The following BEST4 variants were observed in gnomAD, a reference collection of about 807,000 sequenced individuals.
The protein encoded by BEST4 is bestrophin 4, also known as bestrophin-4.
BEST4 carries 36 observed loss-of-function variants against 47.1 expected under a neutral mutation model. The ratio of observed to expected loss-of-function variants is 0.76; its 90% CI spans 0.59 to 1.01. The LOEUF (loss-of-function observed/expected upper bound fraction) is 1.01. BEST4 is among the 50% of genes least tolerant of loss of function. The probability of loss-of-function intolerance (pLI) is 0.00; values close to 1 mark genes in which losing one functional copy is unlikely to be tolerated. For missense variants in BEST4, 550 were observed against 648.6 expected, an observed-to-expected ratio of 0.85 and a Z score of 1.65; for synonymous variants, 250 against 277.8, an observed-to-expected ratio of 0.90 and a Z score of 1.00.
At chr1:44,785,433 T>C in intron 5 of BEST4, 128 bp from the exon 6 acceptor site, 1 of 1,226,882 alleles carries the variant, frequency 8.2e-7, no homozygotes, top group Non-Finnish European at 1.1e-6. Context: ...GCAGTACCAG[T>C]GGGGACAGGG....
upstream of BEST4, among the ~76,000 whole-genome samples, chr1:44,792,447 T>G (rs1405527929): frequency 6.8e-6 from 1 of 145,988 alleles, no homozygotes; most frequent in African/African-American, 2.5e-5. Flanking sequence ...AAAAAAAAAT[T>G]CCCCATGGGA....
downstream of BEST4, among the ~76,000 whole-genome samples, chr1:44,782,652 A>AT (rs1483032332): frequency 7.4e-6 from 1 of 134,908 alleles, no homozygotes. Context: ...AAATAAATAA[A>AT]TAAATAAATA....
Position 44,786,404 on chromosome 1 carries a change from G to C in BEST4, c.481+59C>G, listed in dbSNP as rs1316629478. The C allele has an allele frequency of 4.1e-6, 6 of 1,450,134 alleles. No individual in the cohort carries two copies. Among genetic ancestry groups the C allele is most frequent in the Non-Finnish European group, 5.5e-6 (6 of 1,095,000 alleles). The allele number at this position is 1,450,134 out of a possible 1,614,324, so 89.8% of individuals were successfully genotyped here. On this transcript the variant is annotated intron_variant, in intron 3 of 8. Coordinates refer to ENST00000372207, the MANE Select transcript of BEST4 (RefSeq NM_153274.3). This position sits in a 1 kb window ranked among gnomAD's most constrained non-coding sequence, Gnocchi z 4.9. ...GGCCCCTGCTCCCAGGACTCTCCCAGGCGCCACCTGCATCCGGCTGTGGGC... is the reference window on the plus strand; with the variant it reads ...GGCCCCTGCTCCCAGGACTCTCCCACGCGCCACCTGCATCCGGCTGTGGGC...
chr1:44,789,831 C>T (rs1651365654), upstream of BEST4, among the ~76,000 whole-genome samples: 2 of 152,156 alleles, frequency 1.3e-5, no homozygotes, highest in African/African-American at 4.8e-5. Flanking sequence ...GGTGGTCCTG[C>T]CTCTGTCTTG....
chr1:44,790,193 C>A (rs541123697), upstream of BEST4, among the ~76,000 whole-genome samples: 1 of 152,124 alleles, frequency 6.6e-6, no homozygotes, highest in African/African-American at 2.4e-5. Flanking sequence ...GCCTACCAAG[C>A]CTTCCAAGCC....
In BEST4 at chr1:44,786,565, T is replaced by TGCGGCGCAGCAG; in HGVS notation, c.367_378dup (p.Leu123_Arg126dup). On this transcript the variant is annotated inframe_insertion, in exon 3 of 9. Transcript: ENST00000372207. The surrounding 1 kb of genome is among the most constrained non-coding windows in gnomAD (Gnocchi z 4.9). Reference sequence around the variant, plus strand: ...GCCAGGTTCGCGTAGCGGATGAGGGTGCGGCGCAGCAGGCGGCCCCGCTGG... The same window carrying TGCGGCGCAGCAG: ...GCCAGGTTCGCGTAGCGGATGAGGGTGCGGCGCAGCAGGCGGCGCAGCAGGCGGCCCCGCTGG... The TGCGGCGCAGCAG allele has an allele frequency of 6.5e-7, 1 of 1,550,178 alleles. No individual in the cohort carries two copies. The highest frequency in any genetic ancestry group is 8.7e-7 in the Non-Finnish European group (1 of 1,147,176).
chr1:44,792,418 C>T (rs1384836580), upstream of BEST4, among the ~76,000 whole-genome samples: 1 of 134,518 alleles, frequency 7.4e-6, no homozygotes, highest in Non-Finnish European at 1.6e-5. Context: ...CAGAGCAAGA[C>T]TCCATCTCAA....
In BEST4 at chr1:44,784,010, T is replaced by G. The variant is rs1269287102; in HGVS notation, c.*200A>C. On this transcript the variant is annotated 3_prime_UTR_variant, in exon 9 of 9. Coordinates refer to ENST00000372207, the MANE Select transcript of BEST4 (RefSeq NM_153274.3). The surrounding 1 kb of genome is among the most constrained non-coding windows in gnomAD (Gnocchi z 6.2). ...CTTCACGTCCCCCAAGCAACCGACC[T>G]TCTCTCCCACCAAAGTGGACACATT... The G allele has an allele frequency of 2.0e-6, 1 of 496,382 alleles. No homozygotes were observed. The highest frequency in any genetic ancestry group is 3.3e-6 in the Non-Finnish European group (1 of 303,978). 30.7% of individuals were successfully genotyped at this position (496,382 alleles called of 1,614,324 possible).
At chr1:44,783,020 T>C (rs555256856), downstream of BEST4, among the ~76,000 whole-genome samples, 3 of 151,954 alleles carry the variant, frequency 2.0e-5, no homozygotes, top group East Asian at 5.8e-4. Context: ...AGTAGAGTGA[T>C]CTTGGCTCAC....
rs906259275 is a variant in BEST4, at chr1:44,786,467, G to T, written c.477C>A (p.Asp159Glu). The T allele has an allele frequency of 1.3e-6, 2 of 1,518,684 alleles. No homozygotes were observed. The highest frequency in any genetic ancestry group is 8.8e-7 in the Non-Finnish European group (1 of 1,130,872). The allele number at this position is 1,518,684 out of a possible 1,614,324, so 94.1% of individuals were successfully genotyped here. A position where few individuals can be genotyped will look rare whatever the true frequency, so the allele number is the denominator to read the frequency against. ...KRFPTMEHVV[D>E]AGFMSQEERK... ...GGCTCCCGGCGGGCGGCGCACCTGC[G>T]TCCACCACGTGCTCCATGGTGGGGA... Residue 159 changes from aspartate to glutamate, a missense_variant, in exon 3 of 9, where the codon GAC becomes GAA. Asp to Glu is a conservative substitution (Grantham distance 45, BLOSUM62 2). This residue lies in a region of BEST4 where 291 missense variants were observed against 342.4 expected (regional missense o/e 0.85). Transcript: ENST00000372207. This position sits in a 1 kb window ranked among gnomAD's most constrained non-coding sequence, Gnocchi z 4.9.
At position 44,786,772 on chromosome 1, in the gene BEST4, A is replaced by C. The variant is rs1573599396; in HGVS notation, c.248-76T>G. On this transcript the variant is annotated intron_variant, in intron 2 of 8. Transcript: ENST00000372207. The surrounding 1 kb of genome is among the most constrained non-coding windows in gnomAD (Gnocchi z 4.9). Reference sequence around the variant, plus strand: ...GGGGTCGGAGCGCCTCACCTCCCCCAGCAAAGGGCCTGGTCCAGGCCAGTT... The same window carrying C: ...GGGGTCGGAGCGCCTCACCTCCCCCCGCAAAGGGCCTGGTCCAGGCCAGTT... 8.7e-7 allele frequency: 1 copy of C among 1,146,372 alleles called. No homozygotes were observed. The allele number at this position is 1,146,372 out of a possible 1,614,324, so 71.0% of individuals were successfully genotyped here. A position where few individuals can be genotyped will look rare whatever the true frequency, so the allele number is the denominator to read the frequency against.
At position 44,786,579 on chromosome 1, in the gene BEST4, C is replaced by T; in HGVS notation, c.365G>A (p.Arg122His). Reference sequence around the variant, plus strand: ...GCGGATGAGGGTGCGGCGCAGCAGGCGGCCCCGCTGGTCCACGCCGTGCAC... The same window carrying T: ...GCGGATGAGGGTGCGGCGCAGCAGGTGGCCCCGCTGGTCCACGCCGTGCAC... ...ASVHGVDQRG[R>H]LLRRTLIRYA... The change falls in exon 3 of 9, where the codon CGC becomes CAC. Residue 122 changes from arginine to histidine, a missense_variant. Arg to His is a conservative substitution (Grantham distance 29). Around this residue, in one of 3 missense-constraint regions of BEST4, gnomAD observed 291 missense variants for 342.4 expected, o/e 0.85. Coordinates refer to ENST00000372207, the MANE Select transcript of BEST4 (RefSeq NM_153274.3). The surrounding 1 kb of genome is among the most constrained non-coding windows in gnomAD (Gnocchi z 4.9). 2 of 1,550,296 alleles carry T rather than the reference C, an allele frequency of 1.3e-6. No individual in the cohort carries two copies. The highest frequency in any genetic ancestry group is 1.7e-6 in the Non-Finnish European group (2 of 1,146,990).
intron 4 of BEST4, 85 bp downstream of exon 4, chr1:44,785,989 A>G: frequency 6.7e-7 from 1 of 1,487,856 alleles, no homozygotes; most frequent in Non-Finnish European, 9.0e-7. Flanking sequence ...AGCTGATGCC[A>G]TACAACTGTT....
chr1:44,784,362 C>G lies in BEST4; in HGVS notation c.1270G>C (p.Ala424Pro). 7.2e-7 allele frequency: 1 copy of G among 1,390,674 alleles called. No homozygotes were observed. The highest frequency in any genetic ancestry group is 9.2e-7 in the Non-Finnish European group (1 of 1,082,014). 86.1% of individuals were successfully genotyped at this position (1,390,674 alleles called of 1,614,324 possible). A position where few individuals can be genotyped will look rare whatever the true frequency, so the allele number is the denominator to read the frequency against. Residue 424 changes from alanine to proline, a missense_variant, in exon 9 of 9, where the codon GCC becomes CCC. Around this residue, in one of 3 missense-constraint regions of BEST4, gnomAD observed 255 missense variants for 286.6 expected, o/e 0.89. Transcript: ENST00000372207. The surrounding 1 kb of genome is among the most constrained non-coding windows in gnomAD (Gnocchi z 6.2). ...CGGCCGAAGTTCCGGAGGCTGATGG[C>G]CGGGGAGGGCGCCCCTACGCCCAGG... ...RFLGVGAPSP[A>P]ISLRNFGRVR...
At chr1:44,782,329 T>C (rs1223751685), downstream of BEST4, among the ~76,000 whole-genome samples, 1 of 151,922 alleles carries the variant, frequency 6.6e-6, no homozygotes, top group Non-Finnish European at 1.5e-5. Flanking sequence ...AACTGAGGCT[T>C]AGAAATATTC....
chr1:44,783,996 C>G lies in BEST4; in HGVS notation c.*214G>C. On this transcript the variant is annotated 3_prime_UTR_variant, in exon 9 of 9. Coordinates refer to ENST00000372207, the MANE Select transcript of BEST4 (RefSeq NM_153274.3). ...ATTTATTTTTCTAGCTTCACGTCCC[C>G]CAAGCAACCGACCTTCTCTCCCACC... 2.2e-6 allele frequency: 1 copy of G among 463,718 alleles called. No individual in the cohort carries two copies. The highest frequency in any genetic ancestry group is 3.6e-6 in the Non-Finnish European group (1 of 274,574). The allele number at this position is 463,718 out of a possible 1,614,324, so 28.7% of individuals were successfully genotyped here. A position where few individuals can be genotyped will look rare whatever the true frequency, so the allele number is the denominator to read the frequency against.
chr1:44,786,548 C>T lies in BEST4; in HGVS notation c.396G>A (p.Ala132=), dbSNP rs753302001. The stretch of plus-strand genomic sequence containing the variant: ...GCAGCACCAGCACGGACGCCAGGTT[C>T]GCGTAGCGGATGAGGGTGCGGCGCA... ...RLLRRTLIRY[A]NLASVLVLRS... The change falls in exon 3 of 9, where the codon GCG becomes GCA. Residue 132 remains alanine, a synonymous_variant. Coordinates refer to ENST00000372207, the MANE Select transcript of BEST4 (RefSeq NM_153274.3). This position sits in a 1 kb window ranked among gnomAD's most constrained non-coding sequence, Gnocchi z 4.9. The T allele has an allele frequency of 3.2e-6, 5 of 1,550,436 alleles. No individual in the cohort carries two copies. Among genetic ancestry groups the T allele is most frequent in the African/African-American group, 2.7e-5 (2 of 73,288 alleles).
chr1:44,785,290 C>A lies in BEST4; in HGVS notation c.730G>T (p.Val244Phe). The change falls in exon 6 of 9, where the codon GTC becomes TTC. Residue 244 changes from valine to phenylalanine, a missense_variant. Val to Phe is a conservative substitution (Grantham distance 50). Transcript: ENST00000372207. ...AGGGAGAGGGCAAAGAAAGAGTAGA[C>A]GGCTATGGTCACCACCTGGAGAATG... ...LVYTQVVTIA[V>F]YSFFALSLVG... The A allele has an allele frequency of 6.2e-7, 1 of 1,600,480 alleles. No homozygotes were observed. The highest frequency in any genetic ancestry group is 2.2e-5 in the East Asian group (1 of 44,730).
chr1:44,787,047 C>G lies in BEST4; in HGVS notation c.247+325G>C, dbSNP rs1017616841. On this transcript the variant is annotated intron_variant, in intron 2 of 8. Coordinates refer to ENST00000372207, the MANE Select transcript of BEST4 (RefSeq NM_153274.3). ...TGAGGGTCCGGCAAGTGATAGGGCC[C>G]TGCCCTCTGGAAGTCCTGGACCCAG... Among the ~76,000 whole-genome samples, 7 of 152,194 alleles carry G rather than the reference C, an allele frequency of 4.6e-5. No homozygotes were observed. In the South Asian group the frequency reaches 1.5e-3, roughly 32 times the overall value.
Sources: allele counts gnomAD v4.1 joint callset (sites outside exome capture counted in the v4.1 genomes callset), GRCh38; gene constraint gnomAD v4.1.1; regional missense constraint gnomAD v4.1.1; non-coding constraint Gnocchi (gnomAD v3.1); transcripts MANE v1.5; gene names NCBI Gene and HGNC (gene_info 2026-07-23, HGNC 2026-07-21).